The following DCDC1 variants were observed in gnomAD, a reference collection of about 807,000 sequenced individuals.
DCDC1 encodes doublecortin domain-containing protein 1.
DCDC1 carries 200 observed loss-of-function variants against 178.3 expected under a neutral mutation model. The ratio of observed to expected loss-of-function variants is 1.12; its 90% confidence interval spans 1.00 to 1.26. DCDC1 has a LOEUF of 1.26. DCDC1 is among the 50% of genes most tolerant of loss of function. DCDC1 has a pLI of 0.00. For synonymous variants in DCDC1, 690 were observed against 604.8 expected (o/e 1.14, Z -2.07); for missense variants, 1,983 against 1,749.2 (o/e 1.13, Z -2.38).
intron 21 of DCDC1, among the ~76,000 whole-genome samples, chr11:30,950,673 A>G (rs544771473): frequency 6.6e-6 from 1 of 152,272 alleles, no homozygotes; most frequent in South Asian, 2.1e-4. Context: ...TCATGGAGAT[A>G]GAGACTAGAA....
intron 7 of DCDC1, among the ~76,000 whole-genome samples, chr11:31,268,298 C>T (rs1945314616): frequency 6.6e-6 from 1 of 152,166 alleles, no homozygotes; most frequent in African/African-American, 2.4e-5. Context: ...CCATTTACTT[C>T]AACCAAAATT....
intron 20 of DCDC1, among the ~76,000 whole-genome samples, chr11:30,996,434 CT>C (rs1394204656): frequency 6.7e-6 from 1 of 150,260 alleles, no homozygotes; most frequent in African/African-American, 2.4e-5. Context: ...GTTTTTGGCC[CT>C]TCAAAAATCA....
At chr11:31,289,989 A>C (rs985840672) in intron 7 of DCDC1, among the ~76,000 whole-genome samples, 1 of 152,008 alleles carries the variant, frequency 6.6e-6, no homozygotes, top group African/African-American at 2.4e-5. Flanking sequence ...CTTATCTGTA[A>C]AAAAATGTAT....
intron 20 of DCDC1, among the ~76,000 whole-genome samples, chr11:30,967,946 A>G (rs1168010109): frequency 6.6e-6 from 1 of 152,096 alleles, no homozygotes; most frequent in Non-Finnish European, 1.5e-5. Flanking sequence ...GCTCTGAGGT[A>G]TGGGAAAAGA....
intron 9 of DCDC1, among the ~76,000 whole-genome samples, chr11:31,228,482 C>G (rs1321316572): frequency 6.6e-6 from 1 of 151,954 alleles, no homozygotes; most frequent in Non-Finnish European, 1.5e-5. Context: ...AATCAATTAT[C>G]TAAGCTTTTG....
At chr11:31,340,140 C>A (rs1458791961) in intron 1 of DCDC1, among the ~76,000 whole-genome samples, 2 of 152,016 alleles carry the variant, frequency 1.3e-5, no homozygotes, top group African/African-American at 4.8e-5. Flanking sequence ...TTTCCTTTAC[C>A]CAGGGATGAT....
chr11:30,969,710 A>G (rs1949673292), intron 20 of DCDC1, among the ~76,000 whole-genome samples: 1 of 152,212 alleles, frequency 6.6e-6, no homozygotes, highest in African/African-American at 2.4e-5. Flanking sequence ...CTCTTTAGCT[A>G]GACTTTTTTA....
At chr11:31,149,054 T>A (rs922388789) in intron 9 of DCDC1, among the ~76,000 whole-genome samples, 5 of 152,216 alleles carry the variant, frequency 3.3e-5, no homozygotes, top group Non-Finnish European at 7.3e-5. Flanking sequence ...CCGTCCAAGC[T>A]GCTGCAAAAG....
At chr11:31,183,926 G>T (rs1321777453) in intron 9 of DCDC1, among the ~76,000 whole-genome samples, 2 of 152,090 alleles carry the variant, frequency 1.3e-5, no homozygotes, top group Non-Finnish European at 1.5e-5. Context: ...CATAGAATTA[G>T]AAAAACCTAC....
intron 9 of DCDC1, among the ~76,000 whole-genome samples, chr11:31,222,895 T>A (rs1375532034): frequency 6.6e-6 from 1 of 152,180 alleles, no homozygotes; most frequent in Non-Finnish European, 1.5e-5. Flanking sequence ...TATATAAATT[T>A]CGGGAAGACA....
At chr11:30,990,987 T>C (rs1950945962) in intron 20 of DCDC1, among the ~76,000 whole-genome samples, 2 of 152,152 alleles carry the variant, frequency 1.3e-5, no homozygotes, top group African/African-American at 4.8e-5. Context: ...ACAGTCACAT[T>C]TAAGTGAGAG....
At chr11:31,021,960 C>T (rs1466906379) in intron 20 of DCDC1, among the ~76,000 whole-genome samples, 1 of 152,108 alleles carries the variant, frequency 6.6e-6, no homozygotes, top group Non-Finnish European at 1.5e-5. Context: ...CCTCAATTTA[C>T]CTTGCACTAG....
intron 7 of DCDC1, among the ~76,000 whole-genome samples, chr11:31,266,402 T>C (rs1945160185): frequency 6.6e-6 from 1 of 152,128 alleles, no homozygotes; most frequent in African/African-American, 2.4e-5. Context: ...TGAGGAAAAT[T>C]AAGGGAACAG....
At chr11:31,292,395 TA>T (rs1341958027) in intron 6 of DCDC1, among the ~76,000 whole-genome samples, 1 of 152,112 alleles carries the variant, frequency 6.6e-6, no homozygotes, top group Non-Finnish European at 1.5e-5. Flanking sequence ...AAACAAATGA[TA>T]GTACAATGTA....
chr11:31,046,988 G>C (rs1285408681), intron 20 of DCDC1, among the ~76,000 whole-genome samples: 1 of 151,984 alleles, frequency 6.6e-6, no homozygotes, highest in Non-Finnish European at 1.5e-5. Flanking sequence ...TCCTTCTTCT[G>C]GTTCCAGACC....
chr11:31,228,486 GC>G (rs1388446116), intron 9 of DCDC1, among the ~76,000 whole-genome samples: 2 of 151,956 alleles, frequency 1.3e-5, no homozygotes, highest in Non-Finnish European at 2.9e-5. Context: ...AATTATCTAA[GC>G]TTTTGCTTTA....
At chr11:31,300,245 C>A (rs1948007199) in intron 6 of DCDC1, among the ~76,000 whole-genome samples, 1 of 152,150 alleles carries the variant, frequency 6.6e-6, no homozygotes, top group Non-Finnish European at 1.5e-5. Context: ...CTCTAGTTTG[C>A]TTTCCTGGCA....
rs189928931 is a variant in DCDC1 at position 31,313,016 on chromosome 11, G to A, written c.165-5108C>T. On this transcript the variant is annotated intron_variant, in intron 3 of 38. Transcript: ENST00000684477. Reference sequence around the variant, plus strand: ...AAAAAAAATTACAAAAAATTTTAAAGTCAAATAAAATATTTATTTTTAAAG... The same window carrying A: ...AAAAAAAATTACAAAAAATTTTAAAATCAAATAAAATATTTATTTTTAAAG... 7.8e-4 allele frequency among the ~76,000 whole-genome samples: 118 copies of A among 151,722 alleles called. 3 individuals carry two copies. In the East Asian group the frequency reaches 0.022, roughly 29 times the overall value.
At chr11:31,215,251 G>A (rs989599005) in intron 9 of DCDC1, 1 of 203,384 alleles carries the variant, frequency 4.9e-6, no homozygotes, top group Non-Finnish European at 1.0e-5. Context: ...GCAACATAGT[G>A]AGACCCAGTT....
Sources: allele counts gnomAD v4.1 joint callset (sites outside exome capture counted in the v4.1 genomes callset), GRCh38; gene constraint gnomAD v4.1.1; transcripts MANE v1.5; gene names NCBI Gene and HGNC (gene_info 2026-07-23, HGNC 2026-07-21).